Variants in DCC observed in about 807,000 individuals in gnomAD.
DCC encodes DCC netrin 1 receptor, also known as netrin receptor DCC.
DCC carries 58 observed loss-of-function variants against 172.5 expected under a neutral mutation model. The observed-to-expected ratio is 0.34, with a 90% confidence interval of 0.27 to 0.42. DCC has a LOEUF of 0.42. Among genes scored for constraint, DCC ranks in the 10% least tolerant of loss-of-function variants. DCC has a pLI of 1.00. For synonymous variants in DCC, 709 were observed against 644.5 expected (o/e 1.10, Z -1.52); for missense variants, 1,740 against 1,791.0 (o/e 0.97, Z 0.51).
intron 2 of DCC, among the ~76,000 whole-genome samples, chr18:52,834,757 T>C (rs1376457858): frequency 6.6e-6 from 1 of 152,188 alleles, no homozygotes; most frequent in Non-Finnish European, 1.5e-5. Context: ...TTTTTTTAAT[T>C]CTCTGTGGTC....
At chr18:53,426,574 C>A (rs551678397) in intron 21 of DCC, among the ~76,000 whole-genome samples, 15 of 151,294 alleles carry the variant, frequency 9.9e-5, no homozygotes, top group African/African-American at 3.6e-4. Flanking sequence ...CATGCCACCT[C>A]CTCTGAGAAA....
intron 1 of DCC, among the ~76,000 whole-genome samples, chr18:52,633,986 G>A (rs908586981): frequency 1.3e-5 from 2 of 152,244 alleles, no homozygotes; most frequent in South Asian, 2.1e-4. Flanking sequence ...CTCATGGCAG[G>A]TGGATGGCGT....
At chr18:52,828,115 A>G (rs2038545202) in intron 2 of DCC, among the ~76,000 whole-genome samples, 1 of 152,134 alleles carries the variant, frequency 6.6e-6, no homozygotes, top group African/African-American at 2.4e-5. Flanking sequence ...GGAACATGGT[A>G]TACATTATCT....
intron 12 of DCC, among the ~76,000 whole-genome samples, chr18:53,254,862 A>G (rs1308738436): frequency 6.6e-6 from 1 of 152,106 alleles, no homozygotes; most frequent in African/African-American, 2.4e-5. Flanking sequence ...TATGAAACAT[A>G]GTAATATTGT....
At chr18:53,011,437 A>G (rs1358308755) in intron 5 of DCC, among the ~76,000 whole-genome samples, 1 of 151,614 alleles carries the variant, frequency 6.6e-6, no homozygotes, top group Non-Finnish European at 1.5e-5. Context: ...TTTCAAAGGG[A>G]TATTTTTACT....
chr18:52,966,728 T>G (rs1217485535), intron 5 of DCC, among the ~76,000 whole-genome samples: 1 of 152,206 alleles, frequency 6.6e-6, no homozygotes, highest in Admixed American at 6.6e-5. Context: ...TGGGAATCAC[T>G]GTTTCTCCCT....
intron 1 of DCC, among the ~76,000 whole-genome samples, chr18:52,608,752 T>A (rs2034189229): frequency 6.6e-6 from 1 of 152,198 alleles, no homozygotes; most frequent in Admixed American, 6.5e-5. Context: ...AACCTTGCAC[T>A]ATGAACTGGC....
chr18:52,995,118 A>C (rs989506371), intron 5 of DCC, among the ~76,000 whole-genome samples: 1 of 152,254 alleles, frequency 6.6e-6, no homozygotes, highest in Non-Finnish European at 1.5e-5. Flanking sequence ...GTGGTGCCTA[A>C]ATTAACATGA....
At chr18:53,026,920 A>G (rs1048597760) in intron 5 of DCC, among the ~76,000 whole-genome samples, 2 of 152,056 alleles carry the variant, frequency 1.3e-5, no homozygotes, top group Non-Finnish European at 2.9e-5. Context: ...CTAGAAGGGT[A>G]TTTCCAATTT....
intron 5 of DCC, among the ~76,000 whole-genome samples, chr18:52,958,212 A>G (rs961894497): frequency 6.6e-6 from 1 of 151,934 alleles, no homozygotes; most frequent in Admixed American, 6.6e-5. Flanking sequence ...ATTATTTTGT[A>G]TGATTTATTT....
intron 7 of DCC, among the ~76,000 whole-genome samples, chr18:53,106,430 G>A (rs2043248865): frequency 6.6e-6 from 1 of 151,876 alleles, no homozygotes; most frequent in African/African-American, 2.4e-5. Flanking sequence ...ATTCTCTCCA[G>A]GTCCAGAATT....
At chr18:53,395,324 G>A (rs1908858233) in intron 17 of DCC, among the ~76,000 whole-genome samples, 1 of 152,138 alleles carries the variant, frequency 6.6e-6, no homozygotes, top group African/African-American at 2.4e-5. Context: ...AGAATGCAAA[G>A]GTGTCAGTCT....
intron 7 of DCC, among the ~76,000 whole-genome samples, chr18:53,152,324 T>C (rs1219244688): frequency 6.6e-6 from 1 of 152,158 alleles, no homozygotes; most frequent in Non-Finnish European, 1.5e-5. Flanking sequence ...ATCAATAAGC[T>C]TAGAAAAAAA....
At chr18:52,619,545 C>T (rs2034443644) in intron 1 of DCC, among the ~76,000 whole-genome samples, 1 of 152,108 alleles carries the variant, frequency 6.6e-6, no homozygotes, top group Non-Finnish European at 1.5e-5. Flanking sequence ...TGGGTGATCC[C>T]AATAACCAAT....
At chr18:53,244,460 ATTATCACTTG>A (rs1171169793) in intron 12 of DCC, among the ~76,000 whole-genome samples, 2 of 152,114 alleles carry the variant, frequency 1.3e-5, no homozygotes, top group Non-Finnish European at 2.9e-5. Flanking sequence ...ACAATAACTT[ATTATCACTTG>A]TGATTTTGTG....
At chr18:53,239,837 G>A (rs1285412449) in intron 12 of DCC, among the ~76,000 whole-genome samples, 2 of 151,790 alleles carry the variant, frequency 1.3e-5, no homozygotes, top group African/African-American at 4.8e-5. Context: ...ATAACCAAGG[G>A]CTGATAATAT....
chr18:52,941,988 A>G (rs1429925053), intron 5 of DCC, among the ~76,000 whole-genome samples: 2 of 152,002 alleles, frequency 1.3e-5, no homozygotes, highest in African/African-American at 2.4e-5. Flanking sequence ...TCACCATGTT[A>G]GCCAGGGTGG....
intron 2 of DCC, among the ~76,000 whole-genome samples, chr18:52,843,773 A>G (rs1294787805): frequency 6.6e-6 from 1 of 152,198 alleles, no homozygotes; most frequent in Non-Finnish European, 1.5e-5. Context: ...TTATGATGCC[A>G]AATTTAACCC....
chr18:52,360,983 A>G (rs1432159968), intron 1 of DCC, among the ~76,000 whole-genome samples: 1 of 152,200 alleles, frequency 6.6e-6, no homozygotes, highest in Non-Finnish European at 1.5e-5. Context: ...TTTAAAACTC[A>G]TCTATTCTAT....
Sources: allele counts gnomAD v4.1 joint callset (sites outside exome capture counted in the v4.1 genomes callset), GRCh38; gene constraint gnomAD v4.1.1; transcripts MANE v1.5; gene names NCBI Gene and HGNC (gene_info 2026-07-23, HGNC 2026-07-21).